The following FAM81B variants were observed in gnomAD, a reference collection of about 807,000 sequenced individuals.
FAM81B encodes the protein protein FAM81B.
Under a neutral mutation model 58.7 loss-of-function variants are expected in FAM81B, and 60 were observed. The ratio of observed to expected loss-of-function variants is 1.02; its 90% CI spans 0.83 to 1.27. The LOEUF (loss-of-function observed/expected upper bound fraction) is 1.27. Ranked by LOEUF, FAM81B falls within the 50% of genes most tolerant of loss-of-function variation. The pLI is 0.00. For missense variants in FAM81B, 491 were observed against 522.0 expected (o/e 0.94, Z 0.58); for synonymous variants, 189 against 179.6 (o/e 1.05, Z -0.42).
intron 3 of FAM81B, among the ~76,000 whole-genome samples, chr5:95,404,023 T>C (rs995505304): frequency 4.6e-5 from 7 of 151,994 alleles, no homozygotes; most frequent in South Asian, 4.1e-4. Flanking sequence ...ATTTCTAAAT[T>C]TGGGGGGAAA....
intron 6 of FAM81B, among the ~76,000 whole-genome samples, chr5:95,432,170 T>C (rs2152767743): frequency 6.6e-6 from 1 of 152,236 alleles, no homozygotes. Flanking sequence ...ATTTATGAAA[T>C]GATGTGTTCT....
At chr5:95,417,800 T>C (rs1317793981) in intron 4 of FAM81B, among the ~76,000 whole-genome samples, 3 of 152,152 alleles carry the variant, frequency 2.0e-5, no homozygotes, top group Non-Finnish European at 4.4e-5. Context: ...ATGTATACAA[T>C]CCACTTTCAC....
At chr5:95,439,262 A>ATATATATATATATATATATATATG in intron 7 of FAM81B, among the ~76,000 whole-genome samples, 2 of 144,402 alleles carry the variant, frequency 1.4e-5, no homozygotes, top group African/African-American at 5.1e-5. Flanking sequence ...ATATATATAT[A>ATATATATATATATATATATATATG]TATGTATATT....
At position 95,414,039 on chromosome 5, in the gene FAM81B, T is replaced by C; in HGVS notation, c.386T>C (p.Leu129Pro). 1 of 1,614,088 alleles carries C rather than the reference T, an allele frequency of 6.2e-7. No individual in the cohort carries two copies. The highest frequency in any genetic ancestry group is 8.5e-7 in the Non-Finnish European group (1 of 1,180,012). ...NNQARTIAFL[L>P]EQAFRIKEDI... The stretch of plus-strand genomic sequence containing the variant: ...CAGGCGCGTACCATAGCTTTCCTTC[T>C]TGAACAAGCCTTCCGCATCAAGGAG... The change falls in exon 4 of 10, where the codon CTT (leucine) becomes CCT (proline). Residue 129 changes from leucine to proline, a missense_variant. Leu to Pro is a moderately conservative substitution (Grantham distance 98). Transcript: ENST00000283357.
At chr5:95,407,382 G>A (rs1389987124) in intron 3 of FAM81B, among the ~76,000 whole-genome samples, 1 of 136,744 alleles carries the variant, frequency 7.3e-6, no homozygotes, top group Non-Finnish European at 1.5e-5. Context: ...AAAAATGCCT[G>A]TTCTCTTTTA....
chr5:95,410,533 T>C (rs1762379154), intron 3 of FAM81B, among the ~76,000 whole-genome samples: 1 of 152,202 alleles, frequency 6.6e-6, no homozygotes, highest in Non-Finnish European at 1.5e-5. Flanking sequence ...CAAATAGTTA[T>C]TTTGGCTCAT....
At chr5:95,432,479 G>A in intron 6 of FAM81B, among the ~76,000 whole-genome samples, 1 of 152,016 alleles carries the variant, frequency 6.6e-6, no homozygotes, top group East Asian at 1.9e-4. Flanking sequence ...TGGTAGCTTT[G>A]CTTCTGACAT....
intron 3 of FAM81B, chr5:95,396,865 T>C (rs1484194263): frequency 6.6e-6 from 1 of 152,268 alleles, no homozygotes; most frequent in Non-Finnish European, 1.5e-5. Flanking sequence ...ACTACTTTGC[T>C]GTGTAACACC....
chr5:95,393,205 C>G (rs1761874491), intron 2 of FAM81B, among the ~76,000 whole-genome samples: 1 of 152,200 alleles, frequency 6.6e-6, no homozygotes, highest in Admixed American at 6.5e-5. Context: ...TTATCTTTAT[C>G]TCTAACATGA....
At chr5:95,413,718 G>C (rs7726429) in intron 3 of FAM81B, among the ~76,000 whole-genome samples, 41,309 of 152,084 alleles carry the variant, frequency 0.27, 5,853 homozygotes, top group Non-Finnish European at 0.3. Flanking sequence ...TTTCATGAAT[G>C]CCTCTACCCA....
intron 6 of FAM81B, among the ~76,000 whole-genome samples, chr5:95,435,767 A>G (rs1209757066): frequency 6.6e-6 from 1 of 152,160 alleles, no homozygotes; most frequent in African/African-American, 2.4e-5. Context: ...TTTACCTAAC[A>G]TTAATATTGC....
intron 6 of FAM81B, among the ~76,000 whole-genome samples, chr5:95,433,420 G>A (rs764497274): frequency 3.9e-5 from 6 of 152,012 alleles, no homozygotes; most frequent in Non-Finnish European, 8.8e-5. Flanking sequence ...TACCTCCCAC[G>A]GGGTCCTTCT....
intron 7 of FAM81B, among the ~76,000 whole-genome samples, chr5:95,443,980 G>A (rs924281673): frequency 1.3e-5 from 2 of 152,146 alleles, no homozygotes; most frequent in Non-Finnish European, 2.9e-5. Flanking sequence ...GTAAAGGTGG[G>A]CACTGAAGGC....
chr5:95,420,945 C>T (rs1018277303), intron 5 of FAM81B, among the ~76,000 whole-genome samples: 1 of 152,122 alleles, frequency 6.6e-6, no homozygotes, highest in African/African-American at 2.4e-5. Context: ...TGACTGTGGA[C>T]ACCTTTCCAT....
chr5:95,392,209 T>G (rs1469820743), intron 1 of FAM81B, among the ~76,000 whole-genome samples: 1 of 152,120 alleles, frequency 6.6e-6, no homozygotes, highest in Non-Finnish European at 1.5e-5. Flanking sequence ...TGCAGGGACA[T>G]GGATGAAGCT....
intron 6 of FAM81B, among the ~76,000 whole-genome samples, chr5:95,434,018 A>T (rs57529864): frequency 2.0e-5 from 3 of 152,084 alleles, no homozygotes; most frequent in Non-Finnish European, 4.4e-5. Flanking sequence ...ATCAATCCCC[A>T]TACCTTTTGT....
intron 3 of FAM81B, among the ~76,000 whole-genome samples, chr5:95,404,876 G>A (rs149651266): frequency 6.6e-6 from 1 of 152,288 alleles, no homozygotes; most frequent in East Asian, 1.9e-4. Context: ...GATAAAATGG[G>A]GTATTATGAG....
chr5:95,398,444 AAAT>A (rs1554042464), intron 3 of FAM81B, among the ~76,000 whole-genome samples: 12 of 130,490 alleles, frequency 9.2e-5, no homozygotes, highest in African/African-American at 2.9e-4. Context: ...ATAAATAAAT[AAAT>A]AAATAAAAAA....
chr5:95,417,000 T>A (rs1762554395), intron 4 of FAM81B, among the ~76,000 whole-genome samples: 1 of 152,112 alleles, frequency 6.6e-6, no homozygotes, highest in South Asian at 2.1e-4. Context: ...GCCATGATCA[T>A]GCCACTGCAC....
Sources: gnomAD v4.1 joint callset for allele counts (sites outside exome capture counted in the v4.1 genomes callset) on GRCh38, gnomAD v4.1.1 for gene constraint, MANE v1.5 for transcripts, NCBI Gene and HGNC (gene_info 2026-07-23, HGNC 2026-07-21) for gene names.